The following NMNAT2 variants were observed in gnomAD, a reference collection of about 807,000 sequenced individuals.
NMNAT2 encodes nicotinamide nucleotide adenylyltransferase 2.
Under a neutral mutation model 41.6 loss-of-function variants are expected in NMNAT2, and 11 were observed. The ratio of observed to expected loss-of-function variants is 0.26; its 90% CI spans 0.17 to 0.44. NMNAT2 has a LOEUF of 0.44. Among genes scored for constraint, NMNAT2 ranks in the 20% least tolerant of loss-of-function variants. NMNAT2 has a pLI of 1.00. For synonymous variants in NMNAT2, 148 were observed against 151.2 expected (o/e 0.98, Z 0.16); for missense variants, 288 against 407.7 (o/e 0.71, Z 2.53).
chr1:183,271,387 C>T (rs938692130), intron 8 of NMNAT2, among the ~76,000 whole-genome samples: 1 of 152,176 alleles, frequency 6.6e-6, no homozygotes, highest in African/African-American at 2.4e-5. Context: ...TCTCTTTCCA[C>T]CTACTTAACC....
At chr1:183,403,812 C>T (rs1456692863) in intron 1 of NMNAT2, among the ~76,000 whole-genome samples, 1 of 152,164 alleles carries the variant, frequency 6.6e-6, no homozygotes, top group African/African-American at 2.4e-5. Context: ...TTTAATGCAG[C>T]ATAAGAGAAG....
intron 1 of NMNAT2, among the ~76,000 whole-genome samples, chr1:183,399,162 T>C (rs1323613907): frequency 7.2e-6 from 1 of 139,272 alleles, no homozygotes; most frequent in Non-Finnish European, 1.6e-5. Flanking sequence ...GATAGACCAC[T>C]AGCAAGACTA....
intron 1 of NMNAT2, among the ~76,000 whole-genome samples, chr1:183,308,313 G>A (rs904056352): frequency 2.0e-5 from 3 of 152,196 alleles, no homozygotes; most frequent in East Asian, 1.9e-4. Flanking sequence ...ATTAGTGCCC[G>A]TGAGGATGGG....
intron 1 of NMNAT2, among the ~76,000 whole-genome samples, chr1:183,366,376 A>G (rs1403621869): frequency 6.6e-6 from 1 of 152,236 alleles, no homozygotes; most frequent in Non-Finnish European, 1.5e-5. Context: ...AAGTGCTTAG[A>G]ATATTGGCAC....
intron 1 of NMNAT2, among the ~76,000 whole-genome samples, chr1:183,367,830 C>T (rs1438730174): frequency 6.6e-6 from 1 of 151,890 alleles, no homozygotes; most frequent in Non-Finnish European, 1.5e-5. Context: ...ATAGAAGTGC[C>T]AATATTTTCT....
intron 7 of NMNAT2, among the ~76,000 whole-genome samples, chr1:183,281,029 C>T (rs2102299414): frequency 6.6e-6 from 1 of 152,184 alleles, no homozygotes; most frequent in Middle Eastern, 3.4e-3. Flanking sequence ...AGGTGACCCG[C>T]CAGCCTCGGC....
chr1:183,304,807 G>T, intron 1 of NMNAT2: 3 of 1,608,916 alleles, frequency 1.9e-6, no homozygotes, highest in Non-Finnish European at 2.5e-6. Flanking sequence ...AACACAAAGT[G>T]GTGCAGCTGC....
intron 1 of NMNAT2, among the ~76,000 whole-genome samples, chr1:183,308,579 C>G (rs74962299): frequency 6.6e-6 from 1 of 152,084 alleles, no homozygotes; most frequent in Non-Finnish European, 1.5e-5. Context: ...AATGTTGGTA[C>G]GTCCATTTGA....
At chr1:183,373,007 C>G (rs1571625096) in intron 1 of NMNAT2, among the ~76,000 whole-genome samples, 1 of 152,316 alleles carries the variant, frequency 6.6e-6, no homozygotes, top group Middle Eastern at 3.4e-3. Flanking sequence ...CCCAGGGAGG[C>G]CATCAAGTCC....
chr1:183,286,966 T>C (rs1276913212), intron 4 of NMNAT2, among the ~76,000 whole-genome samples, 178 bp from the exon 5 acceptor site: 2 of 152,010 alleles, frequency 1.3e-5, no homozygotes, highest in Non-Finnish European at 2.9e-5. Flanking sequence ...CAGGAGCAGC[T>C]CAGTGGGAGA....
chr1:183,355,179 C>T (rs947538513), intron 1 of NMNAT2, among the ~76,000 whole-genome samples: 3 of 152,322 alleles, frequency 2.0e-5, no homozygotes, highest in South Asian at 2.1e-4. Flanking sequence ...ATTCATCCTT[C>T]AAGGCTCTGT....
At chr1:183,275,937 G>A (rs1661114480) in intron 8 of NMNAT2, among the ~76,000 whole-genome samples, 2 of 152,332 alleles carry the variant, frequency 1.3e-5, no homozygotes, top group African/African-American at 4.8e-5. Flanking sequence ...CTCCCAAAGT[G>A]CTGGGATTAC....
chr1:183,329,475 T>C (rs4651153), intron 1 of NMNAT2, among the ~76,000 whole-genome samples: 68,078 of 151,980 alleles, frequency 0.45, 16,261 homozygotes, highest in East Asian at 0.78. Flanking sequence ...TTAAAACCTG[T>C]GTGGGAGGAG....
chr1:183,396,598 T>A (rs1191286378), intron 1 of NMNAT2, among the ~76,000 whole-genome samples: 1 of 152,080 alleles, frequency 6.6e-6, no homozygotes, highest in African/African-American at 2.4e-5. Context: ...CAAATGCTAG[T>A]CAGGCCACTG....
At chr1:183,342,283 G>A (rs1662836962) in intron 1 of NMNAT2, among the ~76,000 whole-genome samples, 1 of 151,898 alleles carries the variant, frequency 6.6e-6, no homozygotes, top group East Asian at 1.9e-4. Context: ...TTGAGACCAG[G>A]GATTCAAGAC....
chr1:183,342,850 C>T (rs1235928304), intron 1 of NMNAT2, among the ~76,000 whole-genome samples: 1 of 152,046 alleles, frequency 6.6e-6, no homozygotes, highest in African/African-American at 2.4e-5. Flanking sequence ...TTCCCCACCT[C>T]AGCCTCCCAA....
chr1:183,295,711 A>G (rs1661671507), intron 1 of NMNAT2, among the ~76,000 whole-genome samples: 1 of 152,142 alleles, frequency 6.6e-6, no homozygotes, highest in African/African-American at 2.4e-5. Context: ...GGTTCTGTTT[A>G]CTTTTTCTAT....
At chr1:183,294,325 G>A (rs188225897) in intron 1 of NMNAT2, among the ~76,000 whole-genome samples, 247 of 152,296 alleles carry the variant, frequency 1.6e-3, no homozygotes, top group Non-Finnish European at 3.0e-3. Flanking sequence ...CTTAGACTTG[G>A]TTGAGACGAA....
chr1:183,400,469 G>A (rs1364860534), intron 1 of NMNAT2, among the ~76,000 whole-genome samples: 7 of 152,130 alleles, frequency 4.6e-5, no homozygotes, highest in Non-Finnish European at 7.4e-5. Context: ...AATCAATATC[G>A]TGAAAATGGC....
Sources: gnomAD v4.1 joint callset for allele counts (sites outside exome capture counted in the v4.1 genomes callset) on GRCh38, gnomAD v4.1.1 for gene constraint, MANE v1.5 for transcripts, NCBI Gene and HGNC (gene_info 2026-07-23, HGNC 2026-07-21) for gene names.